Variants in RAPGEF1 observed in about 807,000 individuals in gnomAD.
The protein encoded by RAPGEF1 is CRK SH3-binding GNRP.
In RAPGEF1, 33 loss-of-function variants were observed where a neutral mutation model predicts 143.3. The observed-to-expected ratio is 0.23, with a 90% CI of 0.17 to 0.31. The LOEUF is 0.31. Among genes scored for constraint, RAPGEF1 ranks in the 10% least tolerant of loss-of-function variants. RAPGEF1 has a pLI of 1.00. For missense variants in RAPGEF1, 1,199 were observed against 1,645.4 expected, an observed-to-expected ratio of 0.73 and a Z score of 4.69; for synonymous variants, 629 against 676.5, an observed-to-expected ratio of 0.93 and a Z score of 1.09.
intron 1 of RAPGEF1, among the ~76,000 whole-genome samples, chr9:131,697,643 A>G (rs190220612): frequency 2.6e-5 from 4 of 152,336 alleles, no homozygotes; most frequent in Middle Eastern, 6.8e-3. Context: ...CTCTCCCTGA[A>G]TGGCCTTGGA....
At chr9:131,716,351 A>G (rs934203976) in intron 1 of RAPGEF1, among the ~76,000 whole-genome samples, 3 of 152,254 alleles carry the variant, frequency 2.0e-5, no homozygotes, top group African/African-American at 7.2e-5. Flanking sequence ...GAAGCTGTTT[A>G]CTTGTTGTTC....
At chr9:131,720,816 T>C (rs1486850795) in intron 1 of RAPGEF1, among the ~76,000 whole-genome samples, 3 of 152,242 alleles carry the variant, frequency 2.0e-5, no homozygotes, top group Non-Finnish European at 4.4e-5. Flanking sequence ...TCTGTCCAAG[T>C]TAACCAAGAC....
At chr9:131,682,146 G>C (rs886226049) in intron 1 of RAPGEF1, among the ~76,000 whole-genome samples, 1 of 152,192 alleles carries the variant, frequency 6.6e-6, no homozygotes, top group African/African-American at 2.4e-5. Flanking sequence ...ACTGTGGGAA[G>C]CATGGCCATA....
intron 1 of RAPGEF1, among the ~76,000 whole-genome samples, chr9:131,722,829 G>A (rs939447204): frequency 2.6e-5 from 4 of 151,962 alleles, no homozygotes; most frequent in African/African-American, 9.7e-5. Flanking sequence ...TCACACCACT[G>A]CACTCCAGCC....
intron 9 of RAPGEF1, among the ~76,000 whole-genome samples, chr9:131,627,213 C>CAAAAAAAAAAAAAAAAAAAAAA (rs10690802): frequency 2.1e-5 from 2 of 97,406 alleles, no homozygotes; most frequent in East Asian, 3.8e-4. Flanking sequence ...GGCTCTGTCT[C>CAAAAAAAAAAAAAAAAAAAAAA]AAAAAAAAAA....
At chr9:131,607,284 G>A (rs574159549) in intron 12 of RAPGEF1, among the ~76,000 whole-genome samples, 4 of 152,284 alleles carry the variant, frequency 2.6e-5, no homozygotes, top group South Asian at 2.1e-4. Context: ...TCAGGAGCTC[G>A]GGGGGCAGAC....
chr9:131,588,613 C>CCACCCAATATGTG (rs1301425453), intron 20 of RAPGEF1, among the ~76,000 whole-genome samples, 188 bp downstream of exon 20: 1 of 152,210 alleles, frequency 6.6e-6, no homozygotes, highest in African/African-American at 2.4e-5. Context: ...AAAGGGATCA[C>CCACCCAATATGTG]CACCCAATAT....
At chr9:131,592,298 TG>T (rs1954438647) in intron 17 of RAPGEF1, 115 bp from the exon 18 acceptor site, 1 of 795,122 alleles carries the variant, frequency 1.3e-6, no homozygotes, top group East Asian at 2.6e-5. Flanking sequence ...GCACGGGGAG[TG>T]GGATGGGCGA....
At chr9:131,604,075 G>A in intron 13 of RAPGEF1, 22 bp from the exon 14 acceptor site, 1 of 1,298,580 alleles carries the variant, frequency 7.7e-7, no homozygotes, top group Non-Finnish European at 1.0e-6. Flanking sequence ...AGGACGAGAG[G>A]AAAGACACAT....
intron 1 of RAPGEF1, among the ~76,000 whole-genome samples, chr9:131,697,569 A>G (rs937957664): frequency 6.6e-6 from 1 of 152,214 alleles, no homozygotes; most frequent in East Asian, 1.9e-4. Flanking sequence ...CACTGCAGCC[A>G]CTGCAACAGA....
intron 1 of RAPGEF1, among the ~76,000 whole-genome samples, chr9:131,730,193 C>CAAAAAAAAAAAA: frequency 1.5e-5 from 1 of 67,000 alleles, no homozygotes; most frequent in Non-Finnish European, 2.6e-5. Context: ...GACTCCCTCT[C>CAAAAAAAAAAAA]AAAAAAAAAA....
rs150876314 is a variant in RAPGEF1, at chr9:131,648,339, T to A, written c.315+1790A>T. 3.5e-3 allele frequency among the ~76,000 whole-genome samples: 531 copies of A among 152,230 alleles called. 1 individual carries two copies. The highest frequency in any genetic ancestry group is 0.012 in the African/African-American group (512 of 41,540). On this transcript the variant is annotated intron_variant, in intron 3 of 26. Coordinates refer to ENST00000683357, the MANE Select transcript of RAPGEF1 (RefSeq NM_001377935.1). ...CTGGGAGGCGGAGATTGCAGTGAGC[T>A]GAGATTGCTCCACTGCACTCCAGCC...
Position 131,626,162 on chromosome 9 carries a change from C to T in RAPGEF1, c.1462G>A (p.Gly488Ser), listed in dbSNP as rs758806260. The change falls in exon 10 of 27, where the codon GGC becomes AGC. Residue 488 changes from glycine to serine, a missense_variant. Coordinates refer to ENST00000683357, the MANE Select transcript of RAPGEF1 (RefSeq NM_001377935.1). ...RRSAASQTADGSGCRVSYERH... is the reference protein window; with the variant it reads ...RRSAASQTADSSGCRVSYERH... ...TCGTAGGACACCCTGCAGCCAGAGCCGTCCGCCGTCTGGGAGGCTGCGCTC... is the reference window on the plus strand; with the variant it reads ...TCGTAGGACACCCTGCAGCCAGAGCTGTCCGCCGTCTGGGAGGCTGCGCTC... The T allele has an allele frequency of 4.6e-5, 75 of 1,613,708 alleles. 1 individual carries two copies. The highest frequency in any genetic ancestry group is 3.6e-4 in the South Asian group (33 of 91,086).
chr9:131,581,064 C>T (rs531962886), intron 25 of RAPGEF1, among the ~76,000 whole-genome samples: 35 of 152,064 alleles, frequency 2.3e-4, no homozygotes, highest in African/African-American at 8.0e-4. Context: ...ATCACTTGAA[C>T]CTGGGAGGCG....
At chr9:131,609,083 A>G (rs1175677778) in intron 12 of RAPGEF1, among the ~76,000 whole-genome samples, 1 of 152,106 alleles carries the variant, frequency 6.6e-6, no homozygotes, top group Non-Finnish European at 1.5e-5. Flanking sequence ...TGAGACTTGC[A>G]AACTTCTGCA....
At chr9:131,724,919 C>T (rs1836541667) in intron 1 of RAPGEF1, among the ~76,000 whole-genome samples, 1 of 152,158 alleles carries the variant, frequency 6.6e-6, no homozygotes, top group Non-Finnish European at 1.5e-5. Flanking sequence ...TTGTGCTTAC[C>T]CATTTATCAT....
Position 131,583,765 on chromosome 9 carries a change from T to A in RAPGEF1, c.3414+546A>T, listed in dbSNP as rs1952252047. On this transcript the variant is annotated intron_variant, in intron 24 of 26. Transcript: ENST00000683357. This position sits in a 1 kb window ranked among gnomAD's most constrained non-coding sequence, Gnocchi z 4.7. ...GGCCTCCTCCTGTCCCTGGAGGTGC[T>A]GACCCCCACCTGCTCCTGGCTGTGC... is the stretch of plus-strand genomic sequence containing the variant. 6.6e-6 allele frequency among the ~76,000 whole-genome samples: 1 copy of A among 152,182 alleles called. No individual in the cohort carries two copies.
Position 131,629,169 on chromosome 9 carries a change from C to G in RAPGEF1, c.826G>C (p.Asp276His), listed in dbSNP as rs749017299. ...GGCGCGACCTCTTCATCCGTGGCAT[C>G]TGGGAGGAGCTCAGTTGACTGTGAC... is the stretch of plus-strand genomic sequence containing the variant. Reference protein sequence around the residue: ...GMSQSTELLPDATDEEVAPPK... With the variant: ...GMSQSTELLPHATDEEVAPPK... The change falls in exon 7 of 27, where the codon GAT (aspartate) becomes CAT (histidine). Residue 276 changes from aspartate to histidine, a missense_variant. This residue lies in a region of RAPGEF1 where 613 missense variants were observed against 710.9 expected (regional missense o/e 0.86). Coordinates refer to ENST00000683357, the MANE Select transcript of RAPGEF1 (RefSeq NM_001377935.1). 6.8e-6 allele frequency: 11 copies of G among 1,613,932 alleles called. No homozygotes were observed. The African/African-American group carries it at 1.5e-4, about 22-fold the overall frequency.
intron 1 of RAPGEF1, among the ~76,000 whole-genome samples, chr9:131,711,798 C>T (rs542844860): frequency 5.3e-5 from 8 of 152,080 alleles, no homozygotes; most frequent in Non-Finnish European, 8.8e-5. Flanking sequence ...AGTATAGAAC[C>T]GGAGTAATAT....
Sources: gnomAD v4.1 joint callset for allele counts (sites outside exome capture counted in the v4.1 genomes callset) on GRCh38, gnomAD v4.1.1 for gene constraint, gnomAD v4.1.1 regional missense constraint, Gnocchi (gnomAD v3.1) non-coding constraint, MANE v1.5 for transcripts, NCBI Gene and HGNC (gene_info 2026-07-23, HGNC 2026-07-21) for gene names.